PADI4: variants seen among roughly 807,000 people sequenced by gnomAD.
PADI4 encodes the protein peptidyl arginine deiminase 4.
A neutral mutation model predicts 75.0 loss-of-function variants in PADI4; 62 were observed. The ratio of observed to expected loss-of-function variants is 0.83; its 90% CI spans 0.67 to 1.02. The LOEUF is 1.02. PADI4 is among the 50% of genes least tolerant of loss of function. PADI4 has a pLI of 0.00. For missense variants in PADI4, 845 were observed against 850.5 expected (o/e 0.99, Z 0.08); for synonymous variants, 361 against 348.1 (o/e 1.04, Z -0.41).
intron 1 of PADI4, among the ~76,000 whole-genome samples, chr1:17,325,227 T>G (rs11203362): frequency 0.55 from 83,966 of 152,034 alleles, 23,435 homozygotes; most frequent in East Asian, 0.59. Context: ...ACCATATACA[T>G]AGTATTTCTA....
At chr1:17,344,488 A>G (rs1345595310) in intron 8 of PADI4, among the ~76,000 whole-genome samples, 2 of 152,268 alleles carry the variant, frequency 1.3e-5, no homozygotes, top group Admixed American at 6.5e-5. Flanking sequence ...TCTCCAGGGC[A>G]TGTCAGAGGT....
Position 17,349,902 on chromosome 1 carries a change from G to A in PADI4, c.1155+1854G>A, listed in dbSNP as rs1023268147. 3.2e-5 allele frequency among the ~76,000 whole-genome samples: 4 copies of A among 123,568 alleles called. 1 individual carries two copies. The highest frequency in any genetic ancestry group is 1.0e-4 in the African/African-American group (4 of 38,942). 81.1% of individuals were successfully genotyped at this position (123,568 alleles called of 152,430 possible). On this transcript the variant is annotated intron_variant, in intron 10 of 15. Coordinates refer to ENST00000375448, the MANE Select transcript of PADI4 (RefSeq NM_012387.3). ...GGCCTCCTTCCTGTTCTTCAAACTT[G>A]CCTAACGTTTCCCCACCTCACGGTC...
At chr1:17,352,107 G>C (rs1285453150) in intron 10 of PADI4, among the ~76,000 whole-genome samples, 1 of 148,054 alleles carries the variant, frequency 6.8e-6, no homozygotes, top group Non-Finnish European at 1.5e-5. Flanking sequence ...GAGGTGGTAG[G>C]AGAGACTGTG....
At chr1:17,345,991 C>T (rs754386374) in intron 8 of PADI4, 37 bp from the exon 9 acceptor site, 13 of 1,357,330 alleles carry the variant, frequency 9.6e-6, no homozygotes, top group Non-Finnish European at 1.4e-5. Flanking sequence ...GCTTCAAATT[C>T]CAGAGCACTA....
At chr1:17,323,964 T>C (rs1570003412) in intron 1 of PADI4, among the ~76,000 whole-genome samples, 1 of 152,198 alleles carries the variant, frequency 6.6e-6, no homozygotes, top group East Asian at 1.9e-4. Flanking sequence ...GTGAATCCAC[T>C]ATAATTTATT....
chr1:17,326,503 A>G (rs927037813), intron 1 of PADI4, among the ~76,000 whole-genome samples: 8 of 152,208 alleles, frequency 5.3e-5, no homozygotes, highest in Non-Finnish European at 1.2e-4. Context: ...TTCCAAATGT[A>G]TGGTGCTTTT....
rs151325956 is a variant in PADI4, at chr1:17,356,411, C to G, written c.1510C>G (p.Gln504Glu). The stretch of plus-strand genomic sequence containing the variant: ...GTCCTGCTACAAACTGTTCCAGGAG[C>G]AGCAGAATGAGGGCCACGGGGAGGC... ...PRSCYKLFQE[Q>E]QNEGHGEALL... Residue 504 changes from glutamine to glutamate, a missense_variant, in exon 13 of 16, where the codon CAG (glutamine) becomes GAG (glutamate). Transcript: ENST00000375448. This position sits in a 1 kb window ranked among gnomAD's most constrained non-coding sequence, Gnocchi z 4.1. 1.2e-6 allele frequency: 2 copies of G among 1,613,698 alleles called. No individual in the cohort carries two copies. The highest frequency in any genetic ancestry group is 2.2e-5 in the East Asian group (1 of 44,868).
chr1:17,337,066 T>A (rs1232985206), intron 4 of PADI4, among the ~76,000 whole-genome samples: 1 of 152,254 alleles, frequency 6.6e-6, no homozygotes, highest in African/African-American at 2.4e-5. Context: ...TAATAGTAAC[T>A]ATTTAGATTA....
intron 1 of PADI4, among the ~76,000 whole-genome samples, chr1:17,310,547 C>G (rs1017246194): frequency 6.6e-6 from 1 of 152,230 alleles, no homozygotes; most frequent in Non-Finnish European, 1.5e-5. Flanking sequence ...AAGTCAGGAA[C>G]CCGGGAGGCA....
rs1463077304 is a variant in PADI4, at chr1:17,352,173, G to A, written c.1156-2360G>A. Among the ~76,000 whole-genome samples the A allele has an allele frequency of 2.9e-3, 417 of 141,638 alleles. 4 individuals are homozygous for A. The highest frequency in any genetic ancestry group is 9.3e-3 in the African/African-American group (353 of 37,760). 92.9% of individuals were successfully genotyped at this position (141,638 alleles called of 152,430 possible). On this transcript the variant is annotated intron_variant, in intron 10 of 15. Coordinates refer to ENST00000375448, the MANE Select transcript of PADI4 (RefSeq NM_012387.3). Reference sequence around the variant, plus strand: ...GGCAATCAGGGAGGTGATGAGAGGTGGTAGGAGAGGCGGTCAGGGAGGAGA... The same window carrying A: ...GGCAATCAGGGAGGTGATGAGAGGTAGTAGGAGAGGCGGTCAGGGAGGAGA...
rs775466541 is a variant in PADI4 at position 17,347,910 on chromosome 1, G to T, written c.1048-31G>T. 1.4e-5 allele frequency: 19 copies of T among 1,342,856 alleles called. No individual in the cohort carries two copies. The East Asian group carries it at 4.7e-4, about 33-fold the overall frequency. 83.2% of individuals were successfully genotyped at this position (1,342,856 alleles called of 1,614,324 possible). A position where few individuals can be genotyped will look rare whatever the true frequency, so the allele number is the denominator to read the frequency against. On this transcript the variant is annotated intron_variant, in intron 9 of 15. Coordinates refer to ENST00000375448, the MANE Select transcript of PADI4 (RefSeq NM_012387.3). ...GGGCACCAAGACCCAGGCAGCACGC[G>T]CAACAGCCTCCTCTCCACTCACTCC... is the stretch of plus-strand genomic sequence containing the variant.
In PADI4 at chr1:17,356,198, C is replaced by A. The variant is rs973025403; in HGVS notation, c.1455+71C>A. 7.9e-6 allele frequency: 12 copies of A among 1,524,140 alleles called. No individual in the cohort carries two copies. The African/African-American group carries it at 1.4e-4, about 17-fold the overall frequency. The allele number at this position is 1,524,140 out of a possible 1,614,324, so 94.4% of individuals were successfully genotyped here. Reference sequence around the variant, plus strand: ...GTAGACCCTCTGCCTGGGGTGGGAGCAACTTTACTTGTCTATTTCTCCTTC... The same window carrying A: ...GTAGACCCTCTGCCTGGGGTGGGAGAAACTTTACTTGTCTATTTCTCCTTC... On this transcript the variant is annotated intron_variant, in intron 12 of 15. Coordinates refer to ENST00000375448, the MANE Select transcript of PADI4 (RefSeq NM_012387.3). This position sits in a 1 kb window ranked among gnomAD's most constrained non-coding sequence, Gnocchi z 4.1.
chr1:17,357,626 T>C (rs1371901702), intron 13 of PADI4, among the ~76,000 whole-genome samples: 2 of 152,164 alleles, frequency 1.3e-5, no homozygotes, highest in Admixed American at 6.6e-5. Context: ...TTCCTGTAAG[T>C]GTGCTATTAA....
At chr1:17,309,185 A>G (rs1048716087) in intron 1 of PADI4, among the ~76,000 whole-genome samples, 1 of 151,640 alleles carries the variant, frequency 6.6e-6, no homozygotes, top group Admixed American at 6.6e-5. Context: ...AAAAAAAAAA[A>G]AAAGAGCTGG....
chr1:17,309,378 A>G (rs2100638336), intron 1 of PADI4, among the ~76,000 whole-genome samples: 1 of 152,332 alleles, frequency 6.6e-6, no homozygotes, highest in South Asian at 2.1e-4. Context: ...GCATGTCTCA[A>G]TTAAATAACT....
Position 17,333,959 on chromosome 1 carries a change from A to G in PADI4, c.290A>G (p.Tyr97Cys). ...CTCCCATAGGTTCAGATTTCATACT[A>G]CGGACCCAAGACTCCACCAGTCAAA... is the stretch of plus-strand genomic sequence containing the variant. Reference protein sequence around the residue: ...TGDQKVQISYYGPKTPPVKAL... With the variant: ...TGDQKVQISYCGPKTPPVKAL... The change falls in exon 3 of 16, where the codon TAC becomes TGC. Residue 97 changes from tyrosine to cysteine, a missense_variant. Coordinates refer to ENST00000375448, the MANE Select transcript of PADI4 (RefSeq NM_012387.3). 6.2e-7 allele frequency: 1 copy of G among 1,612,628 alleles called. No homozygotes were observed. Among genetic ancestry groups the G allele is most frequent in the Non-Finnish European group, 8.5e-7 (1 of 1,178,694 alleles).
intron 3 of PADI4, 56 bp from the exon 4 acceptor site, chr1:17,336,103 G>A: frequency 1.6e-6 from 2 of 1,243,582 alleles, no homozygotes; most frequent in Non-Finnish European, 2.4e-6. Flanking sequence ...GGGCCAGGCT[G>A]GGTGCCCCAA....
Position 17,308,393 on chromosome 1 carries a change from G to T in PADI4, c.92+79G>T. The T allele has an allele frequency of 2.6e-6, 3 of 1,162,368 alleles. No homozygotes were observed. In the Middle Eastern group the frequency reaches 5.8e-4, roughly 223 times the overall value. 72.0% of individuals were successfully genotyped at this position (1,162,368 alleles called of 1,614,324 possible). ...CCCAGTTCTACTGACACAGGAGCAT[G>T]TGTTTGGCCCAGGCTCTAGGCTCCA... On this transcript the variant is annotated intron_variant, in intron 1 of 15. Coordinates refer to ENST00000375448, the MANE Select transcript of PADI4 (RefSeq NM_012387.3).
intron 2 of PADI4, among the ~76,000 whole-genome samples, chr1:17,331,848 G>C (rs1025570743): frequency 6.6e-6 from 1 of 152,148 alleles, no homozygotes; most frequent in Non-Finnish European, 1.5e-5. Flanking sequence ...AACCCGGGAG[G>C]GGGAGGTTTC....
Sources: allele counts gnomAD v4.1 joint callset (sites outside exome capture counted in the v4.1 genomes callset), GRCh38; gene constraint gnomAD v4.1.1; non-coding constraint Gnocchi (gnomAD v3.1); transcripts MANE v1.5; gene names NCBI Gene and HGNC (gene_info 2026-07-23, HGNC 2026-07-21).